Variants in TMEM117 observed in about 807,000 individuals in gnomAD.
TMEM117 encodes the protein transmembrane protein 117.
A neutral mutation model predicts 52.4 loss-of-function variants in TMEM117; 27 were observed. The observed-to-expected ratio is 0.51, with a 90% CI of 0.38 to 0.71. The LOEUF (loss-of-function observed/expected upper bound fraction) is 0.71, where lower values mean the gene tolerates loss of function less well. Ranked by LOEUF, TMEM117 falls within the 30% of genes least tolerant of loss-of-function variation. The pLI, the probability that TMEM117 is intolerant of heterozygous loss-of-function variation, is 0.00. For missense variants in TMEM117, 556 were observed against 630.5 expected (o/e 0.88, Z 1.26); for synonymous variants, 215 against 206.3 (o/e 1.04, Z -0.36).
chr12:44,108,130 T>C (rs1430278309), intron 3 of TMEM117, among the ~76,000 whole-genome samples: 1 of 152,148 alleles, frequency 6.6e-6, no homozygotes, highest in Admixed American at 6.5e-5. Context: ...CTAAAGTGAA[T>C]TTAAAAGGGA....
chr12:44,132,680 C>T (rs557860599), intron 3 of TMEM117, among the ~76,000 whole-genome samples: 2 of 152,252 alleles, frequency 1.3e-5, no homozygotes, highest in East Asian at 3.9e-4. Flanking sequence ...TTCTCATGTT[C>T]TGTCATTTCT....
At chr12:43,811,454 T>G in the TMEM117 span, among the ~76,000 whole-genome samples, 3 of 152,236 alleles carry the variant, frequency 2.0e-5, no homozygotes, top group Non-Finnish European at 2.9e-5. Context: ...CTGGCATGCC[T>G]CCTTCTAGAA....
intron 3 of TMEM117, among the ~76,000 whole-genome samples, chr12:44,140,845 C>T (rs1292439956): frequency 6.6e-6 from 1 of 152,048 alleles, no homozygotes; most frequent in Admixed American, 6.6e-5. Flanking sequence ...AGTTGCCAAA[C>T]CTCCCTAATG....
Position 44,382,838 on chromosome 12 carries a change from G to A in TMEM117, c.899-5188G>A, listed in dbSNP as rs114934668. On this transcript the variant is annotated intron_variant, in intron 7 of 7. Coordinates refer to ENST00000266534, the MANE Select transcript of TMEM117 (RefSeq NM_032256.3). ...TAATAAGTAAATATTTTCAGTTTAC[G>A]AAATGGCCTCCTCATGACCCAAGCA... Among the ~76,000 whole-genome samples, 293 of 152,166 alleles carry A rather than the reference G, an allele frequency of 1.9e-3. 4 individuals are homozygous for A. The highest frequency in any genetic ancestry group is 6.8e-3 in the African/African-American group (283 of 41,516).
intron 2 of TMEM117, among the ~76,000 whole-genome samples, chr12:43,907,150 A>C (rs1353109696): frequency 6.6e-6 from 1 of 152,224 alleles, no homozygotes; most frequent in Admixed American, 6.5e-5. Context: ...TGGAGATCTG[A>C]GAACGGGCAG....
chr12:43,905,506 T>C (rs1944371783), intron 2 of TMEM117, among the ~76,000 whole-genome samples: 1 of 152,210 alleles, frequency 6.6e-6, no homozygotes, highest in African/African-American at 2.4e-5. Flanking sequence ...TTAGACTTTA[T>C]TTATTTTTAA....
intron 3 of TMEM117, among the ~76,000 whole-genome samples, chr12:44,018,910 G>A (rs953614115): frequency 1.3e-5 from 2 of 151,704 alleles, no homozygotes; most frequent in Admixed American, 6.6e-5. Flanking sequence ...AGTAGAGATG[G>A]GGTTTCACCG....
chr12:44,132,080 T>C (rs1376883318), intron 3 of TMEM117, among the ~76,000 whole-genome samples: 1 of 152,118 alleles, frequency 6.6e-6, no homozygotes, highest in Admixed American at 6.5e-5. Flanking sequence ...GATAGGCTTA[T>C]TGATGGATAA....
At chr12:43,949,515 A>C (rs1003095983) in intron 3 of TMEM117, among the ~76,000 whole-genome samples, 2 of 152,156 alleles carry the variant, frequency 1.3e-5, no homozygotes, top group African/African-American at 4.8e-5. Context: ...TATACTAGTT[A>C]AACTCCGCCA....
intron 3 of TMEM117, chr12:44,083,592 C>T (rs1056590730): frequency 1.3e-5 from 2 of 151,162 alleles, no homozygotes; most frequent in African/African-American, 4.9e-5. Flanking sequence ...TTTGTAGATA[C>T]GAGTTTTCGC....
At chr12:43,983,148 T>C (rs1296621190) in intron 3 of TMEM117, among the ~76,000 whole-genome samples, 1 of 152,188 alleles carries the variant, frequency 6.6e-6, no homozygotes, top group African/African-American at 2.4e-5. Context: ...TGCTTTAAGA[T>C]GACCTTACTC....
intron 3 of TMEM117, among the ~76,000 whole-genome samples, chr12:44,014,318 T>G (rs759300615): frequency 3.9e-5 from 6 of 152,022 alleles, no homozygotes; most frequent in Non-Finnish European, 7.4e-5. Context: ...GATGAGGCCT[T>G]GGGGTTAGGA....
intron 3 of TMEM117, among the ~76,000 whole-genome samples, chr12:43,969,676 C>G (rs892573953): frequency 6.6e-6 from 1 of 152,150 alleles, no homozygotes; most frequent in African/African-American, 2.4e-5. Flanking sequence ...GTGCCTGTCT[C>G]ACAGTCTTGG....
intron 3 of TMEM117, among the ~76,000 whole-genome samples, chr12:43,984,229 G>A (rs879875212): frequency 1.3e-5 from 2 of 152,094 alleles, no homozygotes; most frequent in African/African-American, 2.4e-5. Context: ...TTAGTCAGGT[G>A]CAGTGGTACA....
intron 1 of TMEM117, among the ~76,000 whole-genome samples, chr12:43,842,720 C>A (rs1943135008): frequency 7.2e-6 from 1 of 139,710 alleles, no homozygotes; most frequent in Non-Finnish European, 1.5e-5. Flanking sequence ...GATTCTTTCT[C>A]AACACACACA....
chr12:43,890,288 A>G lies in TMEM117; in HGVS notation c.277+45360A>G, dbSNP rs1944078664. Among the ~76,000 whole-genome samples, 10 of 152,204 alleles carry G rather than the reference A, an allele frequency of 6.6e-5. No individual in the cohort carries two copies. The South Asian group carries it at 2.1e-3, about 32-fold the overall frequency. Reference sequence around the variant, plus strand: ...TCAAATGTTAACAATTCTTTTTGCAACTTCTGGGTTAGGTTGACATCGTAC... The same window carrying G: ...TCAAATGTTAACAATTCTTTTTGCAGCTTCTGGGTTAGGTTGACATCGTAC... On this transcript the variant is annotated intron_variant, in intron 2 of 7. Transcript: ENST00000266534.
At chr12:43,978,986 A>G (rs1293922243) in intron 3 of TMEM117, among the ~76,000 whole-genome samples, 1 of 151,120 alleles carries the variant, frequency 6.6e-6, no homozygotes, top group African/African-American at 2.4e-5. Context: ...GAGAAATAGT[A>G]TGCTCTATTT....
At chr12:43,823,268 T>C in the TMEM117 span, among the ~76,000 whole-genome samples, 3 of 152,162 alleles carry the variant, frequency 2.0e-5, no homozygotes, top group African/African-American at 4.8e-5. Context: ...ATGTTAGATA[T>C]GGGTATGTGT....
At chr12:44,278,270 G>A (rs1054042191) in intron 5 of TMEM117, among the ~76,000 whole-genome samples, 18 of 152,288 alleles carry the variant, frequency 1.2e-4, no homozygotes, top group Non-Finnish European at 2.1e-4. Flanking sequence ...ACGAGAGCAA[G>A]CATCATTGGA....
Sources: allele counts gnomAD v4.1 joint callset (sites outside exome capture counted in the v4.1 genomes callset), GRCh38; gene constraint gnomAD v4.1.1; transcripts MANE v1.5; gene names NCBI Gene and HGNC (gene_info 2026-07-23, HGNC 2026-07-21).